NPSR1: variants seen among roughly 807,000 people sequenced by gnomAD.
NPSR1 encodes the protein neuropeptide S receptor 1.
NPSR1 carries 48 observed loss-of-function variants against 46.9 expected under a neutral mutation model. The ratio of observed to expected loss-of-function variants is 1.02; its 90% CI spans 0.81 to 1.30. The LOEUF is 1.30. NPSR1 is among the 50% of genes most tolerant of loss of function. NPSR1 has a pLI of 0.00. For synonymous variants in NPSR1, 176 were observed against 168.1 expected, an observed-to-expected ratio of 1.05 and a Z score of -0.36; for missense variants, 450 against 449.5, an observed-to-expected ratio of 1.00 and a Z score of -0.01.
chr7:34,809,500 G>T, intron 3 of NPSR1, among the ~76,000 whole-genome samples: 1 of 122,300 alleles, frequency 8.2e-6, no homozygotes, highest in Admixed American at 1.1e-4. Context: ...GTCTCGCTCT[G>T]TCGCCCAGGC....
intron 2 of NPSR1, among the ~76,000 whole-genome samples, chr7:34,777,263 T>C (rs980285424): frequency 2.0e-5 from 3 of 152,140 alleles, no homozygotes; most frequent in Non-Finnish European, 4.4e-5. Flanking sequence ...ACCACCAGGA[T>C]TGGTGATTTC....
chr7:34,832,343 G>T (rs1790159519), intron 5 of NPSR1, among the ~76,000 whole-genome samples: 1 of 152,126 alleles, frequency 6.6e-6, no homozygotes, highest in South Asian at 2.1e-4. Context: ...AGACCAGCCT[G>T]GCAGCATGGT....
intron 2 of NPSR1, among the ~76,000 whole-genome samples, chr7:34,743,426 T>TTC (rs953695813): frequency 4.0e-5 from 6 of 151,410 alleles, no homozygotes; most frequent in African/African-American, 7.3e-5. Context: ...ATGACTTGTT[T>TTC]TCTCTCTCTC....
chr7:34,835,512 A>G (rs1790323564), intron 6 of NPSR1, among the ~76,000 whole-genome samples: 1 of 152,208 alleles, frequency 6.6e-6, no homozygotes, highest in Non-Finnish European at 1.5e-5. Context: ...TCCTCTTTTC[A>G]GACTGTGAGC....
intron 1 of NPSR1, 39 bp downstream of exon 1, chr7:34,658,598 A>G (rs2530548): frequency 0.4 from 641,844 of 1,591,130 alleles, 133,380 homozygotes; most frequent in Middle Eastern, 0.51. Flanking sequence ...CTGACTTATA[A>G]CAATGAGACT....
At chr7:34,790,974 T>TTATGTTATATTA (rs1562730229) in intron 3 of NPSR1, among the ~76,000 whole-genome samples, 1 of 72,292 alleles carries the variant, frequency 1.4e-5, no homozygotes, top group Non-Finnish European at 2.9e-5. Flanking sequence ...ATTATATATG[T>TTATGTTATATTA]TATATGTTAT....
intron 3 of NPSR1, among the ~76,000 whole-genome samples, chr7:34,792,699 ACG>A (rs59249033): frequency 0.038 from 3,324 of 86,946 alleles, 151 homozygotes; most frequent in Middle Eastern, 0.06. Context: ...GTATATATAT[ACG>A]TATATATATA....
chr7:34,819,943 G>A (rs1376369431), intron 4 of NPSR1, among the ~76,000 whole-genome samples: 1 of 152,144 alleles, frequency 6.6e-6, no homozygotes, highest in African/African-American at 2.4e-5. Flanking sequence ...CTGGGGGAGG[G>A]ATAGCGTTAG....
chr7:34,823,544 C>G (rs1466149918), intron 4 of NPSR1, among the ~76,000 whole-genome samples: 1 of 151,770 alleles, frequency 6.6e-6, no homozygotes, highest in African/African-American at 2.4e-5. Flanking sequence ...GAAGAATTAT[C>G]CAACTATTAG....
At chr7:34,697,902 A>G (rs1793614364) in intron 2 of NPSR1, among the ~76,000 whole-genome samples, 1 of 152,112 alleles carries the variant, frequency 6.6e-6, no homozygotes, top group Non-Finnish European at 1.5e-5. Flanking sequence ...TAAATGGACT[A>G]AATATTCCCA....
At chr7:34,788,014 T>TA (rs573358648) in intron 3 of NPSR1, among the ~76,000 whole-genome samples, 44 of 151,752 alleles carry the variant, frequency 2.9e-4, no homozygotes, top group Middle Eastern at 3.4e-3. Flanking sequence ...CTTCAATTTG[T>TA]AAAAAAAATG....
intron 7 of NPSR1, 51 bp downstream of exon 7, chr7:34,845,033 C>A: frequency 2.4e-6 from 3 of 1,274,692 alleles, no homozygotes; most frequent in South Asian, 1.2e-5. Flanking sequence ...GTCCCAAAAG[C>A]AAGTTTGCTC....
intron 8 of NPSR1, among the ~76,000 whole-genome samples, chr7:34,860,551 T>C (rs1191685358): frequency 1.3e-5 from 2 of 151,882 alleles, no homozygotes; most frequent in Non-Finnish European, 2.9e-5. Flanking sequence ...TAAGTTTGAC[T>C]TAATAGAAGA....
intron 2 of NPSR1, among the ~76,000 whole-genome samples, chr7:34,759,116 T>G (rs946939357): frequency 1.3e-5 from 2 of 152,124 alleles, no homozygotes; most frequent in Admixed American, 1.3e-4. Flanking sequence ...CCATTACTAG[T>G]GATGTTATTG....
chr7:34,782,370 C>T (rs184833651), intron 3 of NPSR1, among the ~76,000 whole-genome samples: 9 of 152,254 alleles, frequency 5.9e-5, no homozygotes, highest in Non-Finnish European at 7.4e-5. Context: ...CTCCAGCTTC[C>T]CTGGTGGGGG....
intron 2 of NPSR1, among the ~76,000 whole-genome samples, chr7:34,768,859 G>C (rs10278663): frequency 6.6e-6 from 1 of 151,992 alleles, no homozygotes; most frequent in African/African-American, 2.4e-5. Flanking sequence ...AGGAGGATGC[G>C]GTGACTGAGT....
chr7:34,770,436 CTTTT>C (rs1003368884), intron 2 of NPSR1, among the ~76,000 whole-genome samples: 1 of 152,102 alleles, frequency 6.6e-6, no homozygotes, highest in East Asian at 1.9e-4. Context: ...CTTGCCAATG[CTTTT>C]TTTGTTAACT....
chr7:34,818,390 T>G (rs1443311484), intron 4 of NPSR1, among the ~76,000 whole-genome samples: 4 of 152,084 alleles, frequency 2.6e-5, no homozygotes, highest in Non-Finnish European at 5.9e-5. Context: ...CAAGGAGAAC[T>G]ACAAACCACT....
chr7:34,803,468 C>CA (rs531342238), intron 3 of NPSR1, among the ~76,000 whole-genome samples: 3 of 148,390 alleles, frequency 2.0e-5, no homozygotes, highest in Admixed American at 6.9e-5. Flanking sequence ...ATCGCAAGGA[C>CA]AAAAAATCAA....
Sources: gnomAD v4.1 joint callset for allele counts (sites outside exome capture counted in the v4.1 genomes callset) on GRCh38, gnomAD v4.1.1 for gene constraint, MANE v1.5 for transcripts, NCBI Gene and HGNC (gene_info 2026-07-23, HGNC 2026-07-21) for gene names.